Variants in RPH3A observed in about 807,000 individuals in gnomAD.
RPH3A encodes the protein rabphilin-3A.
Under a neutral mutation model 102.2 loss-of-function variants are expected in RPH3A, and 48 were observed. The ratio of observed to expected loss-of-function variants is 0.47; its 90% CI spans 0.37 to 0.60. RPH3A has a LOEUF of 0.60. Among genes scored for constraint, RPH3A ranks in the 20% least tolerant of loss-of-function variants. The pLI, the probability that RPH3A is intolerant of heterozygous loss-of-function variation, is 0.00. For synonymous variants in RPH3A, 310 were observed against 324.3 expected, an observed-to-expected ratio of 0.96 and a Z score of 0.47; for missense variants, 781 against 910.1, an observed-to-expected ratio of 0.86 and a Z score of 1.83.
chr12:112,743,579 C>T (rs2040724643), intron 1 of RPH3A, among the ~76,000 whole-genome samples: 1 of 152,184 alleles, frequency 6.6e-6, no homozygotes, highest in Admixed American at 6.5e-5. Flanking sequence ...GGGAATCGCA[C>T]AGGGTAGGCG....
chr12:112,860,644 G>A (rs559764332), intron 5 of RPH3A, among the ~76,000 whole-genome samples: 1 of 152,320 alleles, frequency 6.6e-6, no homozygotes, highest in South Asian at 2.1e-4. Flanking sequence ...GAGCTGCTTT[G>A]GCAAAGCTCA....
intron 1 of RPH3A, among the ~76,000 whole-genome samples, chr12:112,683,522 G>C (rs948394431): frequency 2.6e-5 from 4 of 152,178 alleles, no homozygotes; most frequent in African/African-American, 9.7e-5. Flanking sequence ...TTCCAAGGAG[G>C]AGGAGTGAGG....
intron 2 of RPH3A, among the ~76,000 whole-genome samples, chr12:112,811,639 C>T (rs1176353681): frequency 1.3e-5 from 2 of 151,890 alleles, no homozygotes; most frequent in Non-Finnish European, 2.9e-5. Flanking sequence ...GTGACTCAAA[C>T]ATTTTGGTCA....
At chr12:112,726,267 A>G (rs553100690) in intron 1 of RPH3A, among the ~76,000 whole-genome samples, 1 of 152,022 alleles carries the variant, frequency 6.6e-6, no homozygotes, top group South Asian at 2.1e-4. Context: ...GGTGTGTGCC[A>G]CCACACCTAG....
At chr12:112,608,238 C>A (rs1231080096) in intron 1 of RPH3A, among the ~76,000 whole-genome samples, 1 of 151,946 alleles carries the variant, frequency 6.6e-6, no homozygotes, top group Admixed American at 6.6e-5. Context: ...GCCTCAGCCT[C>A]CCGAGTAGCT....
chr12:112,806,455 T>G (rs2189475), intron 2 of RPH3A, among the ~76,000 whole-genome samples: 17,122 of 151,934 alleles, frequency 0.11, 1,099 homozygotes, highest in East Asian at 0.29. Context: ...GCCAACACGG[T>G]GAAACTCTGT....
intron 1 of RPH3A, among the ~76,000 whole-genome samples, chr12:112,775,193 C>T (rs2040957454): frequency 6.6e-6 from 1 of 151,980 alleles, no homozygotes; most frequent in Non-Finnish European, 1.5e-5. Flanking sequence ...GTACATCCTG[C>T]ACATGTACCC....
chr12:112,876,786 C>A lies in RPH3A; in HGVS notation c.1091C>A (p.Pro364His). 6.2e-6 allele frequency: 10 copies of A among 1,610,858 alleles called. No homozygotes were observed. Among genetic ancestry groups the A allele is most frequent in the Non-Finnish European group, 7.6e-6 (9 of 1,178,544 alleles). ...TATTCCCAAGCATCTGCAGCTGCCC[C>A]CCAGCCTGCTGCAGCCCGCCAGCCA... Reference protein sequence around the residue: ...GPYSQASAAAPQPAAARQPPP... With the variant: ...GPYSQASAAAHQPAAARQPPP... Residue 364 changes from proline to histidine, a missense_variant, in exon 13 of 22, where the codon CCC becomes CAC. Pro to His is a moderately conservative substitution (Grantham distance 77). This residue lies in a region of RPH3A where 730 missense variants were observed against 810.0 expected (regional missense o/e 0.90). Transcript: ENST00000389385.
intron 1 of RPH3A, among the ~76,000 whole-genome samples, chr12:112,691,940 G>T (rs2040309858): frequency 6.6e-6 from 1 of 152,192 alleles, no homozygotes. Flanking sequence ...TGTGACAGAT[G>T]ATTGGATTTT....
intron 2 of RPH3A, among the ~76,000 whole-genome samples, chr12:112,823,032 G>C (rs2041807356): frequency 6.6e-6 from 1 of 152,186 alleles, no homozygotes; most frequent in Non-Finnish European, 1.5e-5. Flanking sequence ...CAGCTGCAGG[G>C]CTGGATTTAA....
chr12:112,621,565 G>A (rs1208264451), intron 1 of RPH3A, among the ~76,000 whole-genome samples: 1 of 146,984 alleles, frequency 6.8e-6, no homozygotes, highest in East Asian at 2.2e-4. Context: ...CTACGCCCAC[G>A]GAGTCTCTCT....
At chr12:112,803,962 T>A (rs2041405948) in intron 2 of RPH3A, among the ~76,000 whole-genome samples, 1 of 152,256 alleles carries the variant, frequency 6.6e-6, no homozygotes, top group Non-Finnish European at 1.5e-5. Flanking sequence ...GAGAATTCCA[T>A]GAGTTAATAC....
intron 1 of RPH3A, among the ~76,000 whole-genome samples, chr12:112,650,308 G>A (rs894826780): frequency 1.3e-5 from 2 of 152,186 alleles, no homozygotes; most frequent in African/African-American, 4.8e-5. Flanking sequence ...TTATGGAGGA[G>A]GTGGGACTTG....
chr12:112,688,885 A>T (rs747844733), intron 1 of RPH3A, among the ~76,000 whole-genome samples: 1 of 152,226 alleles, frequency 6.6e-6, no homozygotes, highest in South Asian at 2.1e-4. Context: ...ATAAAAATTT[A>T]TAAGTGGAGG....
At chr12:112,588,887 T>C (rs997329571) in intron 1 of RPH3A, among the ~76,000 whole-genome samples, 3 of 152,068 alleles carry the variant, frequency 2.0e-5, no homozygotes, top group Admixed American at 6.5e-5. Context: ...CCAGGAACAT[T>C]CTAAAGGGGC....
chr12:112,782,602 A>G (rs539240596), intron 1 of RPH3A, among the ~76,000 whole-genome samples: 45 of 152,232 alleles, frequency 3.0e-4, no homozygotes, highest in Non-Finnish European at 4.3e-4. Flanking sequence ...TCTTGAAGAA[A>G]GAATAGGAAA....
intron 1 of RPH3A, among the ~76,000 whole-genome samples, chr12:112,581,845 C>T (rs1236489171): frequency 5.4e-5 from 8 of 148,458 alleles, no homozygotes; most frequent in Middle Eastern, 6.8e-3. Context: ...TCACCAGCTA[C>T]GTGACCTTGT....
At chr12:112,774,390 AC>A (rs2040949988) in intron 1 of RPH3A, among the ~76,000 whole-genome samples, 1 of 152,142 alleles carries the variant, frequency 6.6e-6, no homozygotes, top group African/African-American at 2.4e-5. Flanking sequence ...AGAACATTAA[AC>A]CTTATCCAGC....
At chr12:112,888,432 A>G (rs2043039170) in intron 17 of RPH3A, among the ~76,000 whole-genome samples, 1 of 152,250 alleles carries the variant, frequency 6.6e-6, no homozygotes, top group Non-Finnish European at 1.5e-5. Flanking sequence ...GTCAGTCATG[A>G]AGTCAGAAAG....
Sources: gnomAD v4.1 joint callset for allele counts (sites outside exome capture counted in the v4.1 genomes callset) on GRCh38, gnomAD v4.1.1 for gene constraint, gnomAD v4.1.1 regional missense constraint, MANE v1.5 for transcripts, NCBI Gene and HGNC (gene_info 2026-07-23, HGNC 2026-07-21) for gene names.